Variants in LRRC4C observed in about 807,000 individuals in gnomAD.
The protein encoded by LRRC4C is leucine-rich repeat-containing protein 4C.
LRRC4C carries 5 observed loss-of-function variants against 33.6 expected under a neutral mutation model. That is an observed-to-expected ratio of 0.15 (90% CI 0.08 to 0.31). The LOEUF is 0.31. Ranked by LOEUF, LRRC4C falls within the 10% of genes least tolerant of loss-of-function variation. The pLI is 1.00. For missense variants in LRRC4C, 560 were observed against 796.7 expected (o/e 0.70, Z 3.58); for synonymous variants, 329 against 302.0 (o/e 1.09, Z -0.93).
chr11:40,963,498 G>T (rs1191420147), intron 1 of LRRC4C, among the ~76,000 whole-genome samples: 1 of 151,712 alleles, frequency 6.6e-6, no homozygotes, highest in East Asian at 1.9e-4. Context: ...TAGAGGAGAT[G>T]AGCTTTGAAT....
intron 3 of LRRC4C, among the ~76,000 whole-genome samples, chr11:40,557,833 T>C (rs1472122280): frequency 6.6e-6 from 1 of 152,208 alleles, no homozygotes; most frequent in East Asian, 1.9e-4. Context: ...GCTATTCTAC[T>C]GCCACATATT....
intron 1 of LRRC4C, among the ~76,000 whole-genome samples, chr11:41,123,779 C>G (rs1164059403): frequency 6.6e-6 from 1 of 152,146 alleles, no homozygotes; most frequent in East Asian, 1.9e-4. Flanking sequence ...TATAATTGCA[C>G]TCAATATTCT....
intron 1 of LRRC4C, among the ~76,000 whole-genome samples, chr11:41,304,035 G>A (rs1950379631): frequency 1.3e-5 from 1 of 74,774 alleles, no homozygotes; most frequent in Non-Finnish European, 3.3e-5. Context: ...CGCCCCATCC[G>A]GGAGGGAGGT....
chr11:40,413,836 T>C (rs1189798399), intron 3 of LRRC4C, among the ~76,000 whole-genome samples: 1 of 152,112 alleles, frequency 6.6e-6, no homozygotes, highest in Non-Finnish European at 1.5e-5. Flanking sequence ...AAACTCTTGA[T>C]ATATATGCCA....
At chr11:40,158,290 A>G (rs1217163584) in intron 5 of LRRC4C, among the ~76,000 whole-genome samples, 1 of 152,106 alleles carries the variant, frequency 6.6e-6, no homozygotes, top group African/African-American at 2.4e-5. Flanking sequence ...GATGAAGGAT[A>G]AAAGACTACA....
intron 2 of LRRC4C, among the ~76,000 whole-genome samples, chr11:40,733,374 T>C (rs906959213): frequency 5.3e-5 from 8 of 151,996 alleles, no homozygotes; most frequent in Non-Finnish European, 1.2e-4. Context: ...GGTGCCCGCC[T>C]GAATATAGAT....
chr11:41,328,210 A>G (rs1233593672), intron 1 of LRRC4C, among the ~76,000 whole-genome samples: 1 of 152,094 alleles, frequency 6.6e-6, no homozygotes. Context: ...AAGTATTACA[A>G]TCTCTATAGG....
At chr11:41,385,321 A>G (rs1462014620) in intron 1 of LRRC4C, among the ~76,000 whole-genome samples, 2 of 151,752 alleles carry the variant, frequency 1.3e-5, no homozygotes, top group African/African-American at 2.4e-5. Flanking sequence ...ATTTCTTTCA[A>G]TCAGATGTGT....
At chr11:40,232,032 A>G (rs1865235082) in intron 5 of LRRC4C, among the ~76,000 whole-genome samples, 1 of 152,150 alleles carries the variant, frequency 6.6e-6, no homozygotes, top group African/African-American at 2.4e-5. Flanking sequence ...TTTGAGACAG[A>G]GTCTCGCTCT....
chr11:40,336,923 G>A (rs940870131), intron 3 of LRRC4C, among the ~76,000 whole-genome samples: 2 of 143,862 alleles, frequency 1.4e-5, no homozygotes, highest in Non-Finnish European at 3.0e-5. Context: ...CTTGCAGTGA[G>A]CCGAGATTGC....
intron 1 of LRRC4C, among the ~76,000 whole-genome samples, chr11:41,353,124 C>T (rs1433610025): frequency 3.3e-5 from 5 of 151,848 alleles, no homozygotes; most frequent in African/African-American, 1.2e-4. Context: ...GATGGATAGG[C>T]TGTTAAATAG....
chr11:40,262,886 C>T (rs765836528), intron 4 of LRRC4C, among the ~76,000 whole-genome samples: 2 of 151,370 alleles, frequency 1.3e-5, no homozygotes, highest in Non-Finnish European at 2.9e-5. Context: ...ATGTAGGTGG[C>T]GGGTTGATGG....
intron 6 of LRRC4C, among the ~76,000 whole-genome samples, chr11:40,137,772 C>A (rs1276648439): frequency 1.3e-5 from 2 of 152,192 alleles, no homozygotes; most frequent in African/African-American, 4.8e-5. Flanking sequence ...GTGGTAGCAT[C>A]TGTCTTTCCT....
chr11:40,291,842 A>C (rs1385056141), intron 4 of LRRC4C, among the ~76,000 whole-genome samples: 1 of 151,910 alleles, frequency 6.6e-6, no homozygotes, highest in Non-Finnish European at 1.5e-5. Flanking sequence ...TGTGCATCTA[A>C]CTCCGGGGCT....
At chr11:41,164,371 T>C (rs774047643) in intron 1 of LRRC4C, among the ~76,000 whole-genome samples, 17 of 152,134 alleles carry the variant, frequency 1.1e-4, no homozygotes, top group Non-Finnish European at 1.9e-4. Flanking sequence ...ATGATAACAA[T>C]GTCTTCTCTT....
At chr11:41,414,087 C>T (rs1409340698) in intron 1 of LRRC4C, among the ~76,000 whole-genome samples, 1 of 152,142 alleles carries the variant, frequency 6.6e-6, no homozygotes, top group African/African-American at 2.4e-5. Flanking sequence ...GCTACATTCT[C>T]ACCTGTAAAA....
At chr11:40,904,179 T>C (rs1202325821) in intron 2 of LRRC4C, among the ~76,000 whole-genome samples, 1 of 152,140 alleles carries the variant, frequency 6.6e-6, no homozygotes, top group Non-Finnish European at 1.5e-5. Context: ...GGCTGGCAAT[T>C]GCAAGTTATA....
At chr11:40,912,874 A>T (rs1956765958) in intron 2 of LRRC4C, among the ~76,000 whole-genome samples, 1 of 145,990 alleles carries the variant, frequency 6.8e-6, no homozygotes, top group Non-Finnish European at 1.6e-5. Flanking sequence ...AATGGAAAAC[A>T]AAAAAAGGCA....
rs997399897 is a variant in LRRC4C, at chr11:40,603,337, C to A, written c.-270+44805G>T. ...CTGCCAAAGCAGGCAAGAAAAGAAC[C>A]ACTTACTGCCAAGACTTGCTTCCTG... On this transcript the variant is annotated intron_variant, in intron 3 of 6. Transcript: ENST00000528697. Among the ~76,000 whole-genome samples, 6 of 152,162 alleles carry A rather than the reference C, an allele frequency of 3.9e-5. No individual in the cohort carries two copies. In the South Asian group the frequency reaches 8.3e-4, roughly 21 times the overall value.
Sources: allele counts gnomAD v4.1 joint callset (sites outside exome capture counted in the v4.1 genomes callset), GRCh38; gene constraint gnomAD v4.1.1; transcripts MANE v1.5; gene names NCBI Gene and HGNC (gene_info 2026-07-23, HGNC 2026-07-21).